Variants in PARD3B observed in about 807,000 individuals in gnomAD.
PARD3B encodes par-3 family cell polarity regulator beta.
A neutral mutation model predicts 130.2 loss-of-function variants in PARD3B; 103 were observed. The observed-to-expected ratio is 0.79, with a 90% confidence interval of 0.67 to 0.93. The LOEUF (loss-of-function observed/expected upper bound fraction) is 0.93, where lower values mean the gene tolerates loss of function less well. PARD3B is among the 40% of genes least tolerant of loss of function. PARD3B has a pLI of 0.00. For synonymous variants in PARD3B, 583 were observed against 553.2 expected, an observed-to-expected ratio of 1.05 and a Z score of -0.76; for missense variants, 1,609 against 1,499.2, an observed-to-expected ratio of 1.07 and a Z score of -1.21.
chr2:205,130,222 G>A (rs577432569), intron 10 of PARD3B, among the ~76,000 whole-genome samples: 4 of 152,302 alleles, frequency 2.6e-5, no homozygotes, highest in African/African-American at 9.6e-5. Flanking sequence ...GGTACTTTGA[G>A]ATTAGTTTTG....
At chr2:204,729,930 T>C (rs745648056) in intron 2 of PARD3B, among the ~76,000 whole-genome samples, 1 of 151,956 alleles carries the variant, frequency 6.6e-6, no homozygotes, top group African/African-American at 2.4e-5. Flanking sequence ...TATTGATTCC[T>C]CCTTTTTTGT....
rs59158508 is a variant in PARD3B, at chr2:205,341,532, T to TA, written c.2630+39839dup. Among the ~76,000 whole-genome samples the TA allele has an allele frequency of 0.016, 2,454 of 151,890 alleles. 63 individuals are homozygous for TA. Among genetic ancestry groups the TA allele is most frequent in the African/African-American group, 0.055 (2,296 of 41,456 alleles). On this transcript the variant is annotated intron_variant, in intron 18 of 22. Coordinates refer to ENST00000406610, the MANE Select transcript of PARD3B (RefSeq NM_001302769.2). This position sits in a 1 kb window ranked among gnomAD's most constrained non-coding sequence, Gnocchi z 4.3. ...CATGTTCTTATGTATATGTAGAAGC[T>TA]AAAAAAAATGTTTAAGCTCATGAAA...
At chr2:205,371,334 A>C (rs1270800742) in intron 18 of PARD3B, among the ~76,000 whole-genome samples, 3 of 152,144 alleles carry the variant, frequency 2.0e-5, no homozygotes, top group African/African-American at 7.2e-5. Flanking sequence ...CACACAATGA[A>C]ACTTGTTCTG....
intron 2 of PARD3B, among the ~76,000 whole-genome samples, chr2:204,774,173 A>C (rs888782149): frequency 4.0e-4 from 60 of 151,742 alleles, no homozygotes; most frequent in African/African-American, 1.2e-3. Flanking sequence ...CCCTGTCTCA[A>C]ATAGCACCTT....
chr2:204,572,503 A>G (rs1053898962), intron 1 of PARD3B, among the ~76,000 whole-genome samples: 5 of 152,188 alleles, frequency 3.3e-5, no homozygotes, highest in Non-Finnish European at 7.4e-5. Flanking sequence ...GCTGTTCATG[A>G]TGATAAATCT....
chr2:204,735,392 A>G (rs1410305809), intron 2 of PARD3B, among the ~76,000 whole-genome samples: 1 of 152,156 alleles, frequency 6.6e-6, no homozygotes, highest in African/African-American at 2.4e-5. Context: ...AACCAAACTA[A>G]AACCCTAATT....
chr2:204,703,018 T>C (rs2037968413), intron 2 of PARD3B, among the ~76,000 whole-genome samples: 1 of 152,366 alleles, frequency 6.6e-6, no homozygotes, highest in South Asian at 2.1e-4. Flanking sequence ...ATTGATACTT[T>C]ATTAATTTTA....
intron 3 of PARD3B, among the ~76,000 whole-genome samples, chr2:204,995,679 C>G (rs1694110573): frequency 9.9e-6 from 1 of 101,050 alleles, no homozygotes; most frequent in African/African-American, 4.1e-5. Context: ...AGAGTGTTTT[C>G]CAACTTGGTT....
At chr2:205,396,563 G>C (rs1039679769) in intron 18 of PARD3B, among the ~76,000 whole-genome samples, 7 of 152,102 alleles carry the variant, frequency 4.6e-5, no homozygotes, top group African/African-American at 1.7e-4. Context: ...TATGTTGAAA[G>C]GTGATTTTTC....
chr2:205,193,238 T>C lies in PARD3B; in HGVS notation c.2058T>C (p.Asp686=). 6.2e-7 allele frequency: 1 copy of C among 1,613,200 alleles called. No homozygotes were observed. Among genetic ancestry groups the C allele is most frequent in the Non-Finnish European group, 8.5e-7 (1 of 1,179,190 alleles). Residue 686 remains aspartate, a synonymous_variant, in exon 15 of 23, where the codon GAT becomes GAC. Transcript: ENST00000406610. ...SGVDSAVYFP[D]QHINFRSVTP... Reference sequence around the variant, plus strand: ...TGGATTCAGCAGTATATTTTCCAGATCAGCACATCAACTTCAGATCTGTGA... The same window carrying C: ...TGGATTCAGCAGTATATTTTCCAGACCAGCACATCAACTTCAGATCTGTGA...
chr2:204,583,299 A>G (rs57582777), intron 1 of PARD3B, among the ~76,000 whole-genome samples: 39,176 of 75,996 alleles, frequency 0.52, 10,416 homozygotes, highest in East Asian at 0.71. Flanking sequence ...GCAGCCATAA[A>G]AAATGATGAG....
chr2:205,300,319 A>C lies in PARD3B; in HGVS notation c.2186-211A>C, dbSNP rs1355077640. Among the ~76,000 whole-genome samples, 1 of 152,190 alleles carries C rather than the reference A, an allele frequency of 6.6e-6. No individual in the cohort carries two copies. Among genetic ancestry groups the C allele is most frequent in the Admixed American group, 6.5e-5 (1 of 15,280 alleles). On this transcript the variant is annotated intron_variant, in intron 16 of 22. Coordinates refer to ENST00000406610, the MANE Select transcript of PARD3B (RefSeq NM_001302769.2). The surrounding 1 kb of genome is among the most constrained non-coding windows in gnomAD (Gnocchi z 4.1). Reference sequence around the variant, plus strand: ...TGTACCTATAGTCATATTAAATTTTATCACAGCTTTAGAAAAGGAAACAGA... The same window carrying C: ...TGTACCTATAGTCATATTAAATTTTCTCACAGCTTTAGAAAAGGAAACAGA...
intron 15 of PARD3B, among the ~76,000 whole-genome samples, chr2:205,206,204 CTT>C (rs559433029): frequency 7.6e-6 from 1 of 131,596 alleles, no homozygotes; most frequent in Non-Finnish European, 1.6e-5. Context: ...TTCTGTGTTC[CTT>C]TTTTTTTTTC....
intron 2 of PARD3B, among the ~76,000 whole-genome samples, chr2:204,708,876 C>A (rs1377559435): frequency 6.6e-6 from 1 of 152,028 alleles, no homozygotes; most frequent in Non-Finnish European, 1.5e-5. Flanking sequence ...TTTTAAAATG[C>A]CTTTCTTAAC....
intron 20 of PARD3B, among the ~76,000 whole-genome samples, chr2:205,479,169 T>C (rs1245161334): frequency 6.6e-6 from 1 of 152,136 alleles, no homozygotes; most frequent in Non-Finnish European, 1.5e-5. Flanking sequence ...AAAAGAAAGT[T>C]CTCCAGGCAG....
intron 1 of PARD3B, among the ~76,000 whole-genome samples, chr2:204,580,201 A>C (rs1301697294): frequency 6.6e-6 from 1 of 152,178 alleles, no homozygotes; most frequent in Non-Finnish European, 1.5e-5. Flanking sequence ...TTCCTTCTAA[A>C]GAGAGAGGGG....
At chr2:205,197,382 C>T (rs1007719621) in intron 15 of PARD3B, among the ~76,000 whole-genome samples, 1 of 151,912 alleles carries the variant, frequency 6.6e-6, no homozygotes, top group African/African-American at 2.4e-5. Context: ...TTTCTCTTTA[C>T]TTGCAAAAAT....
At chr2:204,768,924 A>G (rs1418145703) in intron 2 of PARD3B, among the ~76,000 whole-genome samples, 1 of 4,750 alleles carries the variant, frequency 2.1e-4, no homozygotes, top group African/African-American at 4.5e-4. Flanking sequence ...GGTTTTCTAG[A>G]TAAACAATCA....
At position 205,269,483 on chromosome 2, in the gene PARD3B, C is replaced by T. The variant is rs941592515; in HGVS notation, c.2185+23661C>T. 3.9e-5 allele frequency among the ~76,000 whole-genome samples: 6 copies of T among 151,944 alleles called. No homozygotes were observed. The highest frequency in any genetic ancestry group is 7.4e-5 in the Non-Finnish European group (5 of 67,978). On this transcript the variant is annotated intron_variant, in intron 16 of 22. Coordinates refer to ENST00000406610, the MANE Select transcript of PARD3B (RefSeq NM_001302769.2). This position sits in a 1 kb window ranked among gnomAD's most constrained non-coding sequence, Gnocchi z 4.7. Reference sequence around the variant, plus strand: ...AAAGTTAGTACCTTGTTAAGATTTCCAAGAACTTTTATATTCAGGAATTTA... The same window carrying T: ...AAAGTTAGTACCTTGTTAAGATTTCTAAGAACTTTTATATTCAGGAATTTA...
Sources: gnomAD v4.1 joint callset for allele counts (sites outside exome capture counted in the v4.1 genomes callset) on GRCh38, gnomAD v4.1.1 for gene constraint, Gnocchi (gnomAD v3.1) non-coding constraint, MANE v1.5 for transcripts, NCBI Gene and HGNC (gene_info 2026-07-23, HGNC 2026-07-21) for gene names.